The following NFIB variants were observed in gnomAD, a reference collection of about 807,000 sequenced individuals.
The protein encoded by NFIB is nuclear factor 1 B-type.
Under a neutral mutation model 61.5 loss-of-function variants are expected in NFIB, and 11 were observed. The observed-to-expected ratio is 0.18, with a 90% CI of 0.11 to 0.30. NFIB has a LOEUF of 0.30. Ranked by LOEUF, NFIB falls within the 10% of genes least tolerant of loss-of-function variation. NFIB has a pLI of 1.00. For synonymous variants in NFIB, 260 were observed against 216.5 expected (o/e 1.20, Z -1.76); for missense variants, 471 against 608.9 (o/e 0.77, Z 2.38).
At chr9:14,427,952 T>G in the NFIB span, among the ~76,000 whole-genome samples, 5 of 113,818 alleles carry the variant, frequency 4.4e-5, no homozygotes, top group Admixed American at 9.2e-5. Flanking sequence ...TTTTTTTTTT[T>G]TTTTTTTTTT....
intron 2 of NFIB, among the ~76,000 whole-genome samples, chr9:14,289,572 CACAT>C (rs2058956230): frequency 6.6e-6 from 1 of 151,700 alleles, no homozygotes; most frequent in Admixed American, 6.6e-5. Context: ...TACACACACA[CACAT>C]ATAAATACAC....
chr9:14,322,074 G>C, intron 1 of NFIB: 2 of 468,084 alleles, frequency 4.3e-6, no homozygotes. Flanking sequence ...TTTGTGTTTA[G>C]TTAAAAAAAA....
intron 6 of NFIB, among the ~76,000 whole-genome samples, chr9:14,128,764 C>T (rs1354976166): frequency 1.3e-5 from 2 of 151,502 alleles, no homozygotes; most frequent in Non-Finnish European, 2.9e-5. Flanking sequence ...CTGGGTATGT[C>T]ATTTCTGGAG....
At chr9:14,167,224 G>C (rs985472056) in intron 3 of NFIB, among the ~76,000 whole-genome samples, 7 of 152,100 alleles carry the variant, frequency 4.6e-5, no homozygotes, top group East Asian at 1.9e-4. Flanking sequence ...CCTTGAGTGT[G>C]GTACTGATTT....
At chr9:14,170,042 A>T (rs535716442) in intron 3 of NFIB, among the ~76,000 whole-genome samples, 1 of 152,192 alleles carries the variant, frequency 6.6e-6, no homozygotes, top group Non-Finnish European at 1.5e-5. Flanking sequence ...TTCTGTTTGC[A>T]ATATATTACT....
At chr9:14,293,328 A>G (rs1284669092) in intron 2 of NFIB, among the ~76,000 whole-genome samples, 1 of 152,208 alleles carries the variant, frequency 6.6e-6, no homozygotes, top group East Asian at 1.9e-4. Context: ...CAATAATCCC[A>G]GCATTTCCAT....
intron 10 of NFIB, among the ~76,000 whole-genome samples, chr9:14,096,067 A>AT (rs1336886647): frequency 1.3e-5 from 2 of 152,168 alleles, no homozygotes; most frequent in Non-Finnish European, 2.9e-5. Context: ...AAATCATCAT[A>AT]TCCCTACTAA....
At chr9:14,318,507 T>C (rs1297095620), upstream of NFIB, among the ~76,000 whole-genome samples, 4 of 138,994 alleles carry the variant, frequency 2.9e-5, no homozygotes, top group African/African-American at 1.1e-4. Flanking sequence ...CTCGATGCCT[T>C]TTTTTTTTTT....
intron 1 of NFIB, among the ~76,000 whole-genome samples, chr9:14,352,443 G>A (rs979354561): frequency 6.6e-6 from 1 of 152,086 alleles, no homozygotes; most frequent in African/African-American, 2.4e-5. Flanking sequence ...GAGGCCACAG[G>A]TAAAAAGAAG....
chr9:14,514,788 G>T, the NFIB span, among the ~76,000 whole-genome samples: 2 of 152,036 alleles, frequency 1.3e-5, no homozygotes, highest in East Asian at 1.9e-4. Context: ...CCAAAAGCTG[G>T]CTGGGAATTT....
intron 10 of NFIB, chr9:14,096,423 A>T (rs982985244): frequency 6.6e-6 from 1 of 152,188 alleles, no homozygotes; most frequent in Admixed American, 6.5e-5. Context: ...ATCCTGCTGG[A>T]ATCTGCAGTC....
intron 6 of NFIB, among the ~76,000 whole-genome samples, chr9:14,143,151 C>G (rs768227652): frequency 2.6e-5 from 4 of 151,748 alleles, no homozygotes; most frequent in Non-Finnish European, 5.9e-5. Flanking sequence ...TTACAATTCT[C>G]TTATAATCAG....
Position 14,182,683 on chromosome 9 carries a change from C to CCTCTCTCTCTCT in NFIB, c.563-2915_563-2904dup, listed in dbSNP as rs144528136. ...CCATCACTTTGCTCAACACCCCCCA[C>CCTCTCTCTCTCT]CTCTCTCTCTCTCTCTCTCTCTCTC... On this transcript the variant is annotated intron_variant, in intron 2 of 10. Transcript: ENST00000380953. Among the ~76,000 whole-genome samples the CCTCTCTCTCTCT allele has an allele frequency of 2.0e-3, 84 of 40,992 alleles. 6 individuals are homozygous for CCTCTCTCTCTCT. The highest frequency in any genetic ancestry group is 2.8e-3 in the South Asian group (2 of 712). 26.9% of individuals were successfully genotyped at this position (40,992 alleles called of 152,430 possible).
chr9:14,148,940 G>A (rs1415575226), intron 5 of NFIB, among the ~76,000 whole-genome samples: 1 of 151,952 alleles, frequency 6.6e-6, no homozygotes, highest in Non-Finnish European at 1.5e-5. Flanking sequence ...TTAAAATTGG[G>A]GACAAATTAC....
chr9:14,279,411 A>C (rs2058219367), intron 2 of NFIB, among the ~76,000 whole-genome samples: 1 of 152,136 alleles, frequency 6.6e-6, no homozygotes, highest in Non-Finnish European at 1.5e-5. Context: ...ATTTTACCTA[A>C]GACTTGACCA....
At chr9:14,476,252 T>G in the NFIB span, among the ~76,000 whole-genome samples, 2 of 151,974 alleles carry the variant, frequency 1.3e-5, no homozygotes, top group African/African-American at 4.8e-5. Context: ...TTTTGTTTTT[T>G]TTTTTTTTCA....
intron 2 of NFIB, chr9:14,204,343 T>G: frequency 1.3e-6 from 1 of 794,842 alleles, no homozygotes; most frequent in Non-Finnish European, 2.2e-6. Context: ...ACCCCCTGTT[T>G]GAGAAAAGGC....
At chr9:14,427,341 T>G in the NFIB span, among the ~76,000 whole-genome samples, 4 of 152,236 alleles carry the variant, frequency 2.6e-5, no homozygotes, top group Non-Finnish European at 5.9e-5. Flanking sequence ...CTCTTCTAAG[T>G]GCTTTGCCTA....
At chr9:14,274,520 C>G (rs557287705) in intron 2 of NFIB, among the ~76,000 whole-genome samples, 1 of 152,276 alleles carries the variant, frequency 6.6e-6, no homozygotes, top group East Asian at 1.9e-4. Context: ...AGCTGCTGCT[C>G]TGGCAGAGCT....
Sources: gnomAD v4.1 joint callset for allele counts (sites outside exome capture counted in the v4.1 genomes callset) on GRCh38, gnomAD v4.1.1 for gene constraint, MANE v1.5 for transcripts, NCBI Gene and HGNC (gene_info 2026-07-23, HGNC 2026-07-21) for gene names.